The following IGSF10 variants were observed in gnomAD, a reference collection of about 807,000 sequenced individuals.
IGSF10 encodes the protein immunoglobulin superfamily member 10, also known as calvaria mechanical force protein 608.
Under a neutral mutation model 128.2 loss-of-function variants are expected in IGSF10, and 126 were observed. The ratio of observed to expected loss-of-function variants is 0.98; its 90% confidence interval spans 0.85 to 1.14. The LOEUF (loss-of-function observed/expected upper bound fraction) is 1.14, where lower values mean the gene tolerates loss of function less well. Ranked by LOEUF, IGSF10 falls within the 50% of genes most tolerant of loss-of-function variation. IGSF10 has a pLI of 0.00. For synonymous variants in IGSF10, 1,185 were observed against 1,146.2 expected, an observed-to-expected ratio of 1.03 and a Z score of -0.68; for missense variants, 3,295 against 3,149.8, an observed-to-expected ratio of 1.05 and a Z score of -1.10.
At chr3:151,450,934 CA>C (rs1721484006) in intron 5 of IGSF10, among the ~76,000 whole-genome samples, 1 of 146,976 alleles carries the variant, frequency 6.8e-6, no homozygotes, top group African/African-American at 2.5e-5. Flanking sequence ...GCCTCCCCAT[CA>C]CCCACTTGCC....
the IGSF10 span, among the ~76,000 whole-genome samples, chr3:151,561,780 A>G: frequency 4.6e-5 from 7 of 152,142 alleles, no homozygotes; most frequent in African/African-American, 1.2e-4. Context: ...GGGAAGCAGA[A>G]CCAAAGTATG....
At chr3:151,491,929 G>A in the IGSF10 span, among the ~76,000 whole-genome samples, 716 of 152,104 alleles carry the variant, frequency 4.7e-3, 9 homozygotes, top group African/African-American at 0.016. Flanking sequence ...AGAATACTTC[G>A]AAAAGATTAT....
chr3:151,569,736 CT>C, the IGSF10 span, among the ~76,000 whole-genome samples: 1,448 of 151,904 alleles, frequency 9.5e-3, 19 homozygotes, highest in African/African-American at 0.032. Flanking sequence ...ATTTTTTAAT[CT>C]TTTTTTTAAA....
the IGSF10 span, among the ~76,000 whole-genome samples, chr3:151,502,796 G>C: frequency 6.6e-6 from 1 of 151,992 alleles, no homozygotes; most frequent in Non-Finnish European, 1.5e-5. Flanking sequence ...TAAAATCTAC[G>C]AAGAGCTAAC....
the IGSF10 span, among the ~76,000 whole-genome samples, chr3:151,575,710 C>T: frequency 6.6e-6 from 1 of 152,208 alleles, no homozygotes; most frequent in Non-Finnish European, 1.5e-5. Context: ...CGTGCTTCGG[C>T]TCACCCTCTG....
chr3:151,600,305 G>T, the IGSF10 span, among the ~76,000 whole-genome samples: 2 of 152,054 alleles, frequency 1.3e-5, no homozygotes, highest in African/African-American at 2.4e-5. Flanking sequence ...ACAGTAAAAA[G>T]TGAATTTCCA....
At position 151,436,487 on chromosome 3, in the gene IGSF10, A is replaced by T; in HGVS notation, c.*202T>A. On this transcript the variant is annotated 3_prime_UTR_variant, in exon 8 of 8. Coordinates refer to ENST00000282466, the MANE Select transcript of IGSF10 (RefSeq NM_178822.5). ...CAAAATAAAAGTGCCTTAAGTTAAA[A>T]GTTTGTTTTGAGATCCATTAAATAA... 2 of 445,410 alleles carry T rather than the reference A, an allele frequency of 4.5e-6. No individual in the cohort carries two copies. Among genetic ancestry groups the T allele is most frequent in the Non-Finnish European group, 3.9e-6 (1 of 254,682 alleles). 27.6% of individuals were successfully genotyped at this position (445,410 alleles called of 1,614,324 possible).
the IGSF10 span, among the ~76,000 whole-genome samples, chr3:151,563,231 G>A: frequency 6.6e-6 from 1 of 152,104 alleles, no homozygotes; most frequent in African/African-American, 2.4e-5. Flanking sequence ...TTGACCGTGA[G>A]AGTGACTTTC....
At chr3:151,531,429 T>G in the IGSF10 span, among the ~76,000 whole-genome samples, 1 of 152,116 alleles carries the variant, frequency 6.6e-6, no homozygotes, top group African/African-American at 2.4e-5. Context: ...GAACACATAA[T>G]TGGAAGTAAA....
the IGSF10 span, among the ~76,000 whole-genome samples, chr3:151,497,792 AC>A: frequency 6.6e-6 from 1 of 151,698 alleles, no homozygotes; most frequent in Non-Finnish European, 1.5e-5. Context: ...CACGATATTG[AC>A]TCTTCCTATC....
downstream of IGSF10, chr3:151,432,657 T>C (rs1422592991): frequency 3.4e-6 from 3 of 886,758 alleles, no homozygotes; most frequent in East Asian, 5.3e-5. Flanking sequence ...TCCCTGTACC[T>C]GCAGCTGGTA....
At chr3:151,467,194 C>T in the IGSF10 span, among the ~76,000 whole-genome samples, 4 of 152,138 alleles carry the variant, frequency 2.6e-5, no homozygotes, top group African/African-American at 9.7e-5. Context: ...TCTCTTTATC[C>T]ATTTCTGCCT....
chr3:151,618,399 G>T, the IGSF10 span, among the ~76,000 whole-genome samples: 1 of 152,194 alleles, frequency 6.6e-6, no homozygotes, highest in African/African-American at 2.4e-5. Flanking sequence ...ACTTTCCCAT[G>T]AAACTATTTA....
chr3:151,465,803 C>G (rs1485627468), upstream of IGSF10, among the ~76,000 whole-genome samples: 3 of 152,150 alleles, frequency 2.0e-5, no homozygotes, highest in Non-Finnish European at 4.4e-5. Context: ...TATTTGAGTC[C>G]TTGTGGATGA....
At chr3:151,512,762 TA>T in the IGSF10 span, among the ~76,000 whole-genome samples, 85 of 151,842 alleles carry the variant, frequency 5.6e-4, no homozygotes, top group Non-Finnish European at 7.8e-4. Context: ...ATAGACGCAA[TA>T]AAAAATGACA....
chr3:151,530,964 CAT>C, the IGSF10 span, among the ~76,000 whole-genome samples: 1 of 152,096 alleles, frequency 6.6e-6, no homozygotes, highest in Admixed American at 6.5e-5. Context: ...CAAAGACACA[CAT>C]AGGCTCAAAA....
chr3:151,503,475 A>G, the IGSF10 span, among the ~76,000 whole-genome samples: 1 of 152,208 alleles, frequency 6.6e-6, no homozygotes, highest in African/African-American at 2.4e-5. Context: ...TATATACAAT[A>G]AAAATGAAGA....
the IGSF10 span, among the ~76,000 whole-genome samples, chr3:151,542,439 T>C: frequency 6.6e-6 from 1 of 152,226 alleles, no homozygotes; most frequent in African/African-American, 2.4e-5. Flanking sequence ...CTCTCATTTC[T>C]GACCTCTGTA....
chr3:151,555,189 C>G, the IGSF10 span, among the ~76,000 whole-genome samples: 2 of 152,080 alleles, frequency 1.3e-5, no homozygotes, highest in Non-Finnish European at 2.9e-5. Flanking sequence ...CCTGTGGTAA[C>G]TGCAAAAACG....
Sources: allele counts gnomAD v4.1 joint callset (sites outside exome capture counted in the v4.1 genomes callset), GRCh38; gene constraint gnomAD v4.1.1; transcripts MANE v1.5; gene names NCBI Gene and HGNC (gene_info 2026-07-23, HGNC 2026-07-21).